ANXA8: variants seen among roughly 807,000 people sequenced by gnomAD.
ANXA8 encodes the protein annexin A8.
A neutral mutation model predicts 26.8 loss-of-function variants in ANXA8; 9 were observed. The observed-to-expected ratio is 0.34, with a 90% CI of 0.20 to 0.59. The LOEUF is 0.59. Ranked by LOEUF, ANXA8 falls within the 20% of genes least tolerant of loss-of-function variation. The probability of loss-of-function intolerance (pLI) is 0.84; values close to 1 mark genes in which losing one functional copy is unlikely to be tolerated. For synonymous variants in ANXA8, 39 were observed against 94.8 expected (o/e 0.41, Z 3.42); for missense variants, 83 against 238.5 (o/e 0.35, Z 4.29).
the ANXA8 span, among the ~76,000 whole-genome samples, chr10:47,624,022 G>A: frequency 2.0e-5 from 2 of 99,454 alleles, 1 homozygote; most frequent in South Asian, 6.8e-4. Context: ...GGATCGCGAG[G>A]TCAGGAGATC....
chr10:47,983,027 G>A, the ANXA8 span, among the ~76,000 whole-genome samples: 71 of 108,132 alleles, frequency 6.6e-4, 2 homozygotes, highest in East Asian at 0.014. Context: ...AAATAGAACC[G>A]CAATAAGATA....
At chr10:47,559,606 G>C in the ANXA8 span, among the ~76,000 whole-genome samples, 19 of 151,990 alleles carry the variant, frequency 1.3e-4, 1 homozygote, top group African/African-American at 3.9e-4. Context: ...TTGCCGCAGA[G>C]TATTTTATTA....
chr10:47,561,708 T>C, the ANXA8 span, among the ~76,000 whole-genome samples: 1 of 151,864 alleles, frequency 6.6e-6, no homozygotes, highest in Non-Finnish European at 1.5e-5. Context: ...ATGTATGCCA[T>C]TTTCTATGTT....
the ANXA8 span, among the ~76,000 whole-genome samples, chr10:47,667,843 T>C: frequency 2.0e-5 from 3 of 152,146 alleles, no homozygotes; most frequent in East Asian, 5.8e-4. Flanking sequence ...GTTCAAGCCA[T>C]TCTCATGCCT....
At chr10:47,552,917 T>C in the ANXA8 span, among the ~76,000 whole-genome samples, 4 of 151,840 alleles carry the variant, frequency 2.6e-5, no homozygotes, top group Non-Finnish European at 5.9e-5. Context: ...CAATAAGGGC[T>C]ACATTGCAAG....
At chr10:47,708,729 T>G in the ANXA8 span, among the ~76,000 whole-genome samples, 9,021 of 121,538 alleles carry the variant, frequency 0.074, 1 homozygote, top group East Asian at 0.37. Context: ...ACAAACCTAG[T>G]TCTGATAATG....
At chr10:47,546,389 A>C in the ANXA8 span, among the ~76,000 whole-genome samples, 1 of 112,866 alleles carries the variant, frequency 8.9e-6, no homozygotes, top group Non-Finnish European at 1.7e-5. Flanking sequence ...ATAAGCAGAT[A>C]AGACCAATTT....
chr10:47,777,087 T>A, the ANXA8 span, among the ~76,000 whole-genome samples: 1 of 152,010 alleles, frequency 6.6e-6, no homozygotes, highest in African/African-American at 2.4e-5. Flanking sequence ...TATTTTTTTC[T>A]GGATTTCCGT....
chr10:47,734,199 C>T, the ANXA8 span, among the ~76,000 whole-genome samples: 2 of 139,208 alleles, frequency 1.4e-5, no homozygotes, highest in Non-Finnish European at 3.1e-5. Context: ...CAGCAACTGA[C>T]TCTCAAGCAC....
chr10:47,679,958 A>C, the ANXA8 span, among the ~76,000 whole-genome samples: 1 of 151,946 alleles, frequency 6.6e-6, no homozygotes, highest in African/African-American at 2.4e-5. Context: ...AGAAGAAATA[A>C]ATTCTGGTGT....
At chr10:47,954,828 C>A in the ANXA8 span, among the ~76,000 whole-genome samples, 3 of 151,138 alleles carry the variant, frequency 2.0e-5, no homozygotes, top group Non-Finnish European at 2.9e-5. Context: ...GGAAAAACCC[C>A]AGACAGTAGA....
chr10:47,733,251 C>CTT, the ANXA8 span, among the ~76,000 whole-genome samples: 1 of 93,422 alleles, frequency 1.1e-5, no homozygotes, highest in Non-Finnish European at 2.1e-5. Flanking sequence ...TTCTTTCTTT[C>CTT]TTTCTTTCTT....
chr10:47,733,213 CTTTCTTTCTCTTTCTT>C, the ANXA8 span, among the ~76,000 whole-genome samples: 5 of 68,480 alleles, frequency 7.3e-5, no homozygotes, highest in Admixed American at 3.2e-4. Context: ...TTCTTTCTTT[CTTTCTTTCTCTTTCTT>C]TCTCTCTTTC....
chr10:47,494,383 AACAT>A, the ANXA8 span, among the ~76,000 whole-genome samples: 1 of 128,292 alleles, frequency 7.8e-6, no homozygotes, highest in South Asian at 2.3e-4. Flanking sequence ...GAATTTGCCC[AACAT>A]ACTAGTTTGG....
In ANXA8 at chr10:47,474,888, A is replaced by G. The variant is rs1839463615; in HGVS notation, c.552+57T>C. On this transcript the variant is annotated intron_variant, in intron 7 of 11. Transcript: ENST00000585281. Reference sequence around the variant, plus strand: ...CAGAGAAAGCCCCCGTGGGCAGAGGAGCCGGAGTCCAGATGGCAGGGGGTG... The same window carrying G: ...CAGAGAAAGCCCCCGTGGGCAGAGGGGCCGGAGTCCAGATGGCAGGGGGTG... 2.6e-6 allele frequency: 4 copies of G among 1,524,968 alleles called. 2 individuals carry two copies. The East Asian group carries it at 1.2e-4, about 45-fold the overall frequency. 94.5% of individuals were successfully genotyped at this position (1,524,968 alleles called of 1,614,324 possible). A position where few individuals can be genotyped will look rare whatever the true frequency, so the allele number is the denominator to read the frequency against.
chr10:47,636,754 C>T, the ANXA8 span, among the ~76,000 whole-genome samples: 1 of 152,170 alleles, frequency 6.6e-6, no homozygotes, highest in Non-Finnish European at 1.5e-5. Flanking sequence ...AAAGGGTTAG[C>T]TCTCAGTGAG....
the ANXA8 span, among the ~76,000 whole-genome samples, chr10:47,778,732 T>C: frequency 2.0e-5 from 3 of 152,150 alleles, no homozygotes; most frequent in African/African-American, 7.2e-5. Context: ...ATATTTTTTA[T>C]GAATAAATTG....
chr10:47,533,224 C>A, the ANXA8 span, among the ~76,000 whole-genome samples: 1 of 133,188 alleles, frequency 7.5e-6, no homozygotes, highest in Non-Finnish European at 1.6e-5. Context: ...CACACACACA[C>A]CCCCGCAGAC....
At chr10:47,668,845 A>G in the ANXA8 span, among the ~76,000 whole-genome samples, 1 of 151,446 alleles carries the variant, frequency 6.6e-6, no homozygotes, top group Admixed American at 6.6e-5. Context: ...CTTGTTGACT[A>G]GAGTTCACTC....
Sources: gnomAD v4.1 joint callset for allele counts (sites outside exome capture counted in the v4.1 genomes callset) on GRCh38, gnomAD v4.1.1 for gene constraint, MANE v1.5 for transcripts, NCBI Gene and HGNC (gene_info 2026-07-23, HGNC 2026-07-21) for gene names.